KIAA0930: variants seen among roughly 807,000 people sequenced by gnomAD.
The protein encoded by KIAA0930 is uncharacterized protein KIAA0930.
In KIAA0930, 24 loss-of-function variants were observed where a neutral mutation model predicts 43.9. The ratio of observed to expected loss-of-function variants is 0.55; its 90% CI spans 0.40 to 0.77. The LOEUF is 0.77. Among genes scored for constraint, KIAA0930 ranks in the 30% least tolerant of loss-of-function variants. The pLI is 0.00. For missense variants in KIAA0930, 461 were observed against 574.2 expected, an observed-to-expected ratio of 0.80 and a Z score of 2.02; for synonymous variants, 259 against 216.4, an observed-to-expected ratio of 1.20 and a Z score of -1.73.
intron 1 of KIAA0930, among the ~76,000 whole-genome samples, chr22:45,228,338 C>T (rs1423365249): frequency 6.6e-6 from 1 of 152,104 alleles, no homozygotes; most frequent in Non-Finnish European, 1.5e-5. Context: ...GTCCCAGAAC[C>T]TTGGCTGTGA....
At position 45,205,206 on chromosome 22, in the gene KIAA0930, G is replaced by A. The variant is rs1451163823; in HGVS notation, c.516+11C>T. On this transcript the variant is annotated intron_variant, in intron 5 of 9. Coordinates refer to ENST00000336156, the MANE Select transcript of KIAA0930 (RefSeq NM_001009880.2). ...GGGAAGCTAAGGAGAGAGGCCCTGT[G>A]CAGAGCTCACCTCCTCGAAGCTGTC... 4.4e-6 allele frequency: 7 copies of A among 1,601,638 alleles called. No homozygotes were observed. The highest frequency in any genetic ancestry group is 6.0e-6 in the Non-Finnish European group (7 of 1,168,738).
At chr22:45,223,331 A>C (rs949352389) in intron 1 of KIAA0930, among the ~76,000 whole-genome samples, 1 of 152,230 alleles carries the variant, frequency 6.6e-6, no homozygotes, top group Non-Finnish European at 1.5e-5. Flanking sequence ...CCAATCGTTT[A>C]AGATGACTCC....
chr22:45,203,865 T>A lies in KIAA0930; in HGVS notation c.637A>T (p.Lys213Ter), dbSNP rs780119054. The A allele has an allele frequency of 6.2e-7, 1 of 1,614,042 alleles. No individual in the cohort carries two copies. The highest frequency in any genetic ancestry group is 8.5e-7 in the Non-Finnish European group (1 of 1,179,940). ...CTCACCCGGTTGTCATACACCTTCT[T>A]GAGCGCCTCGTAGCGGATGGAGCCC... ...FQGSIRYEAL[K>*]KVYDNRVSVA... The change falls in exon 6 of 10, where the codon AAG (lysine) becomes TAG (stop). Residue 213 changes from lysine to a stop codon, truncating the protein, a stop_gained. Coordinates refer to ENST00000336156, the MANE Select transcript of KIAA0930 (RefSeq NM_001009880.2). LOFTEE classifies it high-confidence loss of function.
intron 1 of KIAA0930, among the ~76,000 whole-genome samples, chr22:45,234,656 T>C (rs1480613601): frequency 6.6e-6 from 1 of 152,188 alleles, no homozygotes; most frequent in Non-Finnish European, 1.5e-5. Context: ...ACAGACACCT[T>C]TGCACGTATA....
chr22:45,213,630 A>G (rs2083713296), intron 1 of KIAA0930: 3 of 401,984 alleles, frequency 7.5e-6, no homozygotes, highest in South Asian at 6.9e-5. Flanking sequence ...ATAAACTTCA[A>G]TTCTTTTTTA....
intron 1 of KIAA0930, chr22:45,213,503 G>C (rs1013744330): frequency 8.4e-7 from 1 of 1,187,744 alleles, no homozygotes; most frequent in Non-Finnish European, 1.1e-6. Flanking sequence ...AACGAAACAC[G>C]CGTGCTGTCT....
chr22:45,203,470 C>G (rs948630480), intron 6 of KIAA0930, among the ~76,000 whole-genome samples: 7 of 152,080 alleles, frequency 4.6e-5, no homozygotes, highest in Admixed American at 2.0e-4. Flanking sequence ...GGGAGAGGGG[C>G]CTGCCCACAT....
intron 1 of KIAA0930, 91 bp from the exon 2 acceptor site, chr22:45,212,198 T>C (rs775045489): frequency 3.1e-6 from 5 of 1,612,202 alleles, no homozygotes; most frequent in South Asian, 2.2e-5. Flanking sequence ...TACCCCCACA[T>C]TTCTGGCCAG....
rs545725967 is a variant in KIAA0930 at position 45,207,318 on chromosome 22, A to AT, written c.217-1407dup. Reference sequence around the variant, plus strand: ...GAGCCACTGCACCCGGCCTCAATTTATTTCTTATTTTTTTATTTTTTTGAG... The same window carrying AT: ...GAGCCACTGCACCCGGCCTCAATTTATTTTCTTATTTTTTTATTTTTTTGAG... On this transcript the variant is annotated intron_variant, in intron 2 of 9. Transcript: ENST00000336156. Among the ~76,000 whole-genome samples the AT allele has an allele frequency of 2.7e-3, 357 of 130,472 alleles. 1 individual carries two copies. The highest frequency in any genetic ancestry group is 9.4e-3 in the African/African-American group (328 of 34,854). 85.6% of individuals were successfully genotyped at this position (130,472 alleles called of 152,430 possible).
intron 1 of KIAA0930, among the ~76,000 whole-genome samples, chr22:45,227,915 G>A (rs1364351612): frequency 6.6e-6 from 1 of 152,176 alleles, no homozygotes; most frequent in Non-Finnish European, 1.5e-5. Context: ...CCCACTGTGT[G>A]CGGGGGCAGC....
rs760312785 is a variant in KIAA0930 at position 45,199,883 on chromosome 22, G to A, written c.1005C>T (p.Asp335=). ...GGAGTGGGGGGTCACCTCCACCGTC[G>A]TCCTCCCGGAAGAACTCCTCGCTGT... is the stretch of plus-strand genomic sequence containing the variant. ...ANDSEEFFRE[D]DGGADLHNAT... The change falls in exon 8 of 10, where the codon GAC becomes GAT. Residue 335 remains aspartate, a synonymous_variant. Transcript: ENST00000336156. The A allele has an allele frequency of 1.3e-5, 20 of 1,580,072 alleles. No individual in the cohort carries two copies. Among genetic ancestry groups the A allele is most frequent in the Admixed American group, 1.7e-5 (1 of 57,514 alleles).
In KIAA0930 at chr22:45,194,882, CTGTTAGTTCCGGACAGTTCCTTGG is replaced by C. The variant is rs558403505; in HGVS notation, c.*2270_*2293del. 180 of 152,390 alleles carry C rather than the reference CTGTTAGTTCCGGACAGTTCCTTGG, an allele frequency of 1.2e-3. No homozygotes were observed. The highest frequency in any genetic ancestry group is 3.9e-3 in the African/African-American group (163 of 41,574). 9.4% of individuals were successfully genotyped at this position (152,390 alleles called of 1,614,324 possible). On this transcript the variant is annotated 3_prime_UTR_variant, in exon 10 of 10. Coordinates refer to ENST00000336156, the MANE Select transcript of KIAA0930 (RefSeq NM_001009880.2). Reference sequence around the variant, plus strand: ...GTTTGACTCCCATCGCCGGCCCCTGCTGTTAGTTCCGGACAGTTCCTTGGTGCCTGTGTGCTGGTTTTCTCGTCT... The same window carrying C: ...GTTTGACTCCCATCGCCGGCCCCTGCTGCCTGTGTGCTGGTTTTCTCGTCT...
chr22:45,210,403 C>T (rs1407095794), intron 2 of KIAA0930, among the ~76,000 whole-genome samples: 6 of 152,086 alleles, frequency 3.9e-5, no homozygotes, highest in Non-Finnish European at 5.9e-5. Flanking sequence ...ATGAGGGTCA[C>T]GGGCAGTGAG....
In KIAA0930 at chr22:45,216,268, C is replaced by T. The variant is rs372465740; in HGVS notation, c.65-4161G>A. Among the ~76,000 whole-genome samples the T allele has an allele frequency of 7.9e-5, 12 of 152,304 alleles. No homozygotes were observed. In the East Asian group the frequency reaches 1.9e-3, roughly 25 times the overall value. On this transcript the variant is annotated intron_variant, in intron 1 of 9. Transcript: ENST00000336156. ...TACTCAGATGGCCAATTCATTCAGC[C>T]AACCTCTCTGACCCTCAGTGGTTCT...
At chr22:45,219,520 G>T (rs1439811140) in intron 1 of KIAA0930, among the ~76,000 whole-genome samples, 2 of 127,958 alleles carry the variant, frequency 1.6e-5, no homozygotes, top group Non-Finnish European at 3.3e-5. Flanking sequence ...ATTAAATAAA[G>T]AAAAATGTCC....
Position 45,212,580 on chromosome 22 carries a change from C to T in KIAA0930, c.65-473G>A, listed in dbSNP as rs533217905. On this transcript the variant is annotated intron_variant, in intron 1 of 9. Transcript: ENST00000336156. ...CCAGCGGGAACCCGACTTAAAGGGA[C>T]AGCCGCCCTCCAGCCAGCCAAGGCT... is the stretch of plus-strand genomic sequence containing the variant. 6.5e-6 allele frequency: 9 copies of T among 1,380,816 alleles called. No individual in the cohort carries two copies. The South Asian group carries it at 1.4e-4, about 22-fold the overall frequency. 85.5% of individuals were successfully genotyped at this position (1,380,816 alleles called of 1,614,324 possible).
At chr22:45,209,622 C>T (rs1024750889) in intron 2 of KIAA0930, among the ~76,000 whole-genome samples, 1 of 152,204 alleles carries the variant, frequency 6.6e-6, no homozygotes, top group African/African-American at 2.4e-5. Context: ...CCACCACCGC[C>T]GCCCTGCTCC....
chr22:45,207,454 C>T (rs181349420), intron 2 of KIAA0930: 1 of 151,866 alleles, frequency 6.6e-6, no homozygotes, highest in Admixed American at 6.6e-5. Flanking sequence ...TCCCAAGTAC[C>T]TGGGATTATA....
rs1555896451 is a variant in KIAA0930, at chr22:45,192,924, AAC to A, written c.*4250_*4251del. On this transcript the variant is annotated 3_prime_UTR_variant, in exon 10 of 10. Coordinates refer to ENST00000336156, the MANE Select transcript of KIAA0930 (RefSeq NM_001009880.2). ...TCAAGCCAGCCAGTGAAAAAGAAAAAACAAAAGCCCCAGCAGGTGCCCATCAC... is the reference window on the plus strand; with the variant it reads ...TCAAGCCAGCCAGTGAAAAAGAAAAAAAAAGCCCCAGCAGGTGCCCATCAC... The A allele has an allele frequency of 6.6e-6, 1 of 152,042 alleles. No homozygotes were observed. The highest frequency in any genetic ancestry group is 1.5e-5 in the Non-Finnish European group (1 of 68,040). The allele number at this position is 152,042 out of a possible 1,614,324, so 9.4% of individuals were successfully genotyped here.
Sources: allele counts gnomAD v4.1 joint callset (sites outside exome capture counted in the v4.1 genomes callset), GRCh38; gene constraint gnomAD v4.1.1; transcripts MANE v1.5; gene names NCBI Gene and HGNC (gene_info 2026-07-23, HGNC 2026-07-21).